The following ZFP62 variants were observed in gnomAD, a reference collection of about 807,000 sequenced individuals.
The protein encoded by ZFP62 is zinc finger protein 62 homolog.
In ZFP62, 44 loss-of-function variants were observed where a neutral mutation model predicts 56.4. The observed-to-expected ratio is 0.78, with a 90% CI of 0.61 to 1.00. The LOEUF (loss-of-function observed/expected upper bound fraction) is 1.00, where lower values mean the gene tolerates loss of function less well. ZFP62 is among the 50% of genes least tolerant of loss of function. The pLI is 0.00. For missense variants in ZFP62, 1,030 were observed against 1,085.7 expected (o/e 0.95, Z 0.72); for synonymous variants, 421 against 388.9 (o/e 1.08, Z -0.97).
At chr5:180,845,326 TAAAAAAAAAAAAAAAAA>T (rs772922940), downstream of ZFP62, among the ~76,000 whole-genome samples, 178 of 32,828 alleles carry the variant, frequency 5.4e-3, 2 homozygotes, top group African/African-American at 0.012. Flanking sequence ...GAGACCGTCT[TAAAAAAAAAAAAAAAAA>T]AAAAAAAAAA....
At position 180,849,254 on chromosome 5, in the gene ZFP62, G is replaced by C; in HGVS notation, c.2241C>G (p.His747Gln). 6.4e-7 allele frequency: 1 copy of C among 1,556,086 alleles called. No homozygotes were observed. Among genetic ancestry groups the C allele is most frequent in the Non-Finnish European group, 8.7e-7 (1 of 1,149,664 alleles). ...SFSYSSLLSQ[H>Q]KRIHTGEKPY... is the part of the protein sequence containing the mutation. ...GTTTCTCCCCTGTGTGGATCCTCTT[G>C]TGCTGAGAAAGGAGAGAGCTGTAAC... The change falls in exon 2 of 2, where the codon CAC becomes CAG. Residue 747 changes from histidine to glutamine, a missense_variant. Coordinates refer to ENST00000502412, the MANE Select transcript of ZFP62 (RefSeq NM_001172638.2).
intron 1 of ZFP62, among the ~76,000 whole-genome samples, chr5:180,858,282 A>AAAAAG (rs1561911048): frequency 4.3e-5 from 6 of 138,050 alleles, no homozygotes; most frequent in African/African-American, 1.5e-4. Flanking sequence ...AAAAAAAGAA[A>AAAAAG]AAAAGAAAAG....
Position 180,850,964 on chromosome 5 carries a change from A to G in ZFP62, c.531T>C (p.Thr177=). ...CCCGAAGGCTCGAGCTGCTCCGGAA[A>G]GTCCCTCCACAGTCATCACATTCAT... The part of the protein sequence containing the change: ...KRYECDDCGG[T]FRSSSSLRVH... Residue 177 remains threonine (T), a synonymous_variant, in exon 2 of 2, where the codon ACT becomes ACC. Coordinates refer to ENST00000502412, the MANE Select transcript of ZFP62 (RefSeq NM_001172638.2). The G allele has an allele frequency of 6.4e-7, 1 of 1,553,794 alleles. No individual in the cohort carries two copies. The highest frequency in any genetic ancestry group is 8.7e-7 in the Non-Finnish European group (1 of 1,148,408).
the ZFP62 span, among the ~76,000 whole-genome samples, chr5:180,837,934 GCT>G: frequency 0.1 from 15,655 of 152,074 alleles, 853 homozygotes; most frequent in South Asian, 0.11. Context: ...CTGTTCTTGG[GCT>G]CTGTTAAAGT....
chr5:180,855,683 T>A (rs1773932276), intron 1 of ZFP62, among the ~76,000 whole-genome samples: 1 of 152,118 alleles, frequency 6.6e-6, no homozygotes, highest in Non-Finnish European at 1.5e-5. Flanking sequence ...CTTGGCCACA[T>A]CCAAAACAGC....
At chr5:180,841,242 CAT>C in the ZFP62 span, among the ~76,000 whole-genome samples, 2 of 146,596 alleles carry the variant, frequency 1.4e-5, no homozygotes, top group Admixed American at 6.8e-5. Context: ...GTGCTATATC[CAT>C]ATATATATAC....
rs1773500234 is a variant in ZFP62 at position 180,848,506 on chromosome 5, C to T, written c.*286G>A. ...CCCTTTCCTCATCTGTGTTTTATGT[C>T]CAGAAATGTCTACTGATTTTGAAGA... On this transcript the variant is annotated 3_prime_UTR_variant, in exon 2 of 2. Transcript: ENST00000502412. The T allele has an allele frequency of 8.8e-7, 1 of 1,131,392 alleles. No homozygotes were observed. Among genetic ancestry groups the T allele is most frequent in the Admixed American group, 4.3e-5 (1 of 23,108 alleles). 70.1% of individuals were successfully genotyped at this position (1,131,392 alleles called of 1,614,324 possible).
At chr5:180,855,930 C>T (rs906851986) in intron 1 of ZFP62, among the ~76,000 whole-genome samples, 4 of 152,224 alleles carry the variant, frequency 2.6e-5, no homozygotes, top group African/African-American at 9.6e-5. Flanking sequence ...AGGCTACTTA[C>T]TGTGGCACCT....
downstream of ZFP62, chr5:180,845,859 C>T (rs182512816): frequency 1.7e-3 from 1,637 of 985,460 alleles, 1 homozygote; most frequent in Non-Finnish European, 1.8e-3. Flanking sequence ...TACCGTTTCA[C>T]GCCCAGTGTC....
In ZFP62 at chr5:180,851,463, T is replaced by C; in HGVS notation, c.32A>G (p.Glu11Gly). Residue 11 changes from glutamate (E) to glycine (G), a missense_variant, in exon 2 of 2, where the codon GAG (glutamate) becomes GGG (glycine). By Grantham distance (98) the Glu-to-Gly change is moderately conservative. Coordinates refer to ENST00000502412, the MANE Select transcript of ZFP62 (RefSeq NM_001172638.2). ...ATTTTCATATTCTTCAGTTGGTTCC[T>C]CATCCTCAGTGCTCGTCTTCAAATG... Reference protein sequence around the residue: MSHLKTSTEDEEPTEEYENVG... With the variant: MSHLKTSTEDGEPTEEYENVG... 1 of 1,550,016 alleles carries C rather than the reference T, an allele frequency of 6.5e-7. No homozygotes were observed. Among genetic ancestry groups the C allele is most frequent in the Non-Finnish European group, 8.7e-7 (1 of 1,146,006 alleles).
rs1198060300 is a variant in ZFP62 at position 180,849,851 on chromosome 5, A to C, written c.1644T>G (p.Leu548=). The change falls in exon 2 of 2, where the codon CTT becomes CTG. Residue 548 remains leucine (L), a synonymous_variant. Coordinates refer to ENST00000502412, the MANE Select transcript of ZFP62 (RefSeq NM_001172638.2). ...CAGTGTGGATTCGTTTATGTACTTT[A>C]AGGCCAGAATTATTTCTGAAAGCTT... The part of the protein sequence containing the change: ...CGKAFRNNSG[L]KVHKRIHTGE... 6.4e-7 allele frequency: 1 copy of C among 1,551,738 alleles called. No individual in the cohort carries two copies. The highest frequency in any genetic ancestry group is 2.4e-5 in the East Asian group (1 of 40,906).
At chr5:180,857,190 A>C (rs996797584) in intron 1 of ZFP62, among the ~76,000 whole-genome samples, 1 of 152,142 alleles carries the variant, frequency 6.6e-6, no homozygotes, top group Non-Finnish European at 1.5e-5. Context: ...AGCTTCGGGC[A>C]AAGGAGTAGC....
chr5:180,844,892 G>A (rs549558251), downstream of ZFP62, among the ~76,000 whole-genome samples: 1 of 152,208 alleles, frequency 6.6e-6, no homozygotes, highest in East Asian at 1.9e-4. Flanking sequence ...CTTTGGACAG[G>A]GCCACCACAC....
At chr5:180,855,097 C>G (rs1023038615) in intron 1 of ZFP62, among the ~76,000 whole-genome samples, 1 of 152,028 alleles carries the variant, frequency 6.6e-6, no homozygotes. Context: ...GGATAAAGGG[C>G]CATGATGTAT....
chr5:180,860,080 G>A (rs1455609680), intron 1 of ZFP62, among the ~76,000 whole-genome samples: 1 of 152,146 alleles, frequency 6.6e-6, no homozygotes, highest in East Asian at 1.9e-4. Context: ...CACAACTTCT[G>A]TGTTCTGACA....
At chr5:180,847,327 T>G (rs1033247031), downstream of ZFP62, among the ~76,000 whole-genome samples, 13 of 151,116 alleles carry the variant, frequency 8.6e-5, no homozygotes, top group Admixed American at 6.0e-4. Flanking sequence ...TACATGTTCC[T>G]GACAGAGCTG....
At chr5:180,830,830 G>A in the ZFP62 span, 59 of 152,504 alleles carry the variant, frequency 3.9e-4, no homozygotes, top group African/African-American at 1.4e-3. Context: ...CTGCGCAGAG[G>A]TAGCTACCAT....
chr5:180,854,509 A>G lies in ZFP62; in HGVS notation c.2-3016T>C, dbSNP rs530720302. Among the ~76,000 whole-genome samples, 8 of 152,386 alleles carry G rather than the reference A, an allele frequency of 5.2e-5. No individual in the cohort carries two copies. The East Asian group carries it at 1.5e-3, about 29-fold the overall frequency. On this transcript the variant is annotated intron_variant, in intron 1 of 1. Coordinates refer to ENST00000502412, the MANE Select transcript of ZFP62 (RefSeq NM_001172638.2). Reference sequence around the variant, plus strand: ...CAGGAGAGAATCATCAGTGAATTCTACGTCTAGGAGGAAATTCTGACAAGG... The same window carrying G: ...CAGGAGAGAATCATCAGTGAATTCTGCGTCTAGGAGGAAATTCTGACAAGG...
the ZFP62 span, among the ~76,000 whole-genome samples, chr5:180,839,833 AC>A: frequency 2.0e-5 from 3 of 151,968 alleles, no homozygotes; most frequent in African/African-American, 4.8e-5. Context: ...CTTGCCTCCT[AC>A]CCCCTTAAGA....
Sources: allele counts gnomAD v4.1 joint callset (sites outside exome capture counted in the v4.1 genomes callset), GRCh38; gene constraint gnomAD v4.1.1; transcripts MANE v1.5; gene names NCBI Gene and HGNC (gene_info 2026-07-23, HGNC 2026-07-21).